Variants in BDNF observed in about 807,000 individuals in gnomAD.
The protein encoded by BDNF is neurotrophic factor BDNF precursor form.
BDNF carries 1 observed loss-of-function variant against 19.5 expected under a neutral mutation model. That is an observed-to-expected ratio of 0.05 (90% CI 0.02 to 0.24). The LOEUF is 0.24. BDNF is among the 10% of genes least tolerant of loss of function. The pLI, the probability that BDNF is intolerant of heterozygous loss-of-function variation, is 1.00. For synonymous variants in BDNF, 100 were observed against 121.6 expected (o/e 0.82, Z 1.17); for missense variants, 195 against 317.6 (o/e 0.61, Z 2.93).
At chr11:27,701,135 A>G, upstream of BDNF, 1 of 1,259,286 alleles carries the variant, frequency 7.9e-7, no homozygotes, top group Non-Finnish European at 1.1e-6. Flanking sequence ...TTCAATCAAG[A>G]TAATAACAGC....
chr11:27,690,807 G>GT (rs922473397), intron 1 of BDNF, among the ~76,000 whole-genome samples: 4 of 151,810 alleles, frequency 2.6e-5, no homozygotes, highest in Non-Finnish European at 5.9e-5. Context: ...CACAATTTAA[G>GT]TTTTTTTAGG....
At chr11:27,661,626 C>CA (rs1853457343) in intron 1 of BDNF, among the ~76,000 whole-genome samples, 1 of 152,194 alleles carries the variant, frequency 6.6e-6, no homozygotes, top group Non-Finnish European at 1.5e-5. Flanking sequence ...TTCTCTTACA[C>CA]AAAAACTGGC....
Position 27,657,461 on chromosome 11 carries a change from G to T in BDNF, c.*360C>A. On this transcript the variant is annotated 3_prime_UTR_variant, in exon 2 of 2. Coordinates refer to ENST00000356660, the MANE Select transcript of BDNF (RefSeq NM_001709.5). This position sits in a 1 kb window ranked among gnomAD's most constrained non-coding sequence, Gnocchi z 5.0. The stretch of plus-strand genomic sequence containing the variant: ...GTTCAAATTTTTGTTGTGTGTGTGT[G>T]TGTTTTTTTTCTGTTTTCTGAAAGA... The T allele has an allele frequency of 1.0e-6, 1 of 994,964 alleles. No individual in the cohort carries two copies. The highest frequency in any genetic ancestry group is 3.4e-5 in the South Asian group (1 of 29,532). 61.6% of individuals were successfully genotyped at this position (994,964 alleles called of 1,614,324 possible). A position where few individuals can be genotyped will look rare whatever the true frequency, so the allele number is the denominator to read the frequency against.
chr11:27,674,108 G>A lies in BDNF; in HGVS notation c.-21-15523C>T, dbSNP rs779134556. ...TCAGTTTGTTAAATTCCACTGAAACGTGGAGGTACACAGCACAGCCCTTCT... is the reference window on the plus strand; with the variant it reads ...TCAGTTTGTTAAATTCCACTGAAACATGGAGGTACACAGCACAGCCCTTCT... On this transcript the variant is annotated intron_variant, in intron 1 of 1. Coordinates refer to ENST00000356660, the MANE Select transcript of BDNF (RefSeq NM_001709.5). 38 of 1,611,736 alleles carry A rather than the reference G, an allele frequency of 2.4e-5. No homozygotes were observed. Among genetic ancestry groups the A allele is most frequent in the Non-Finnish European group, 3.0e-5 (35 of 1,179,042 alleles).
intron 1 of BDNF, among the ~76,000 whole-genome samples, chr11:27,718,403 G>A (rs1159693672): frequency 7.8e-6 from 1 of 128,766 alleles, no homozygotes; most frequent in African/African-American, 2.9e-5. Context: ...CCAGTTCTGC[G>A]TTCAGCCCTG....
At chr11:27,711,727 A>T (rs1417146129) in intron 1 of BDNF, among the ~76,000 whole-genome samples, 1 of 152,250 alleles carries the variant, frequency 6.6e-6, no homozygotes, top group Non-Finnish European at 1.5e-5. Context: ...AGTTACTTTA[A>T]GAGTTAAGTA....
chr11:27,710,460 C>T (rs1448865949), intron 1 of BDNF, among the ~76,000 whole-genome samples: 1 of 152,190 alleles, frequency 6.6e-6, no homozygotes. Context: ...ACAAAGGACC[C>T]AGACACCAAT....
At chr11:27,716,967 A>T (rs1860537469) in intron 1 of BDNF, among the ~76,000 whole-genome samples, 1 of 152,150 alleles carries the variant, frequency 6.6e-6, no homozygotes, top group Non-Finnish European at 1.5e-5. Flanking sequence ...TTGGCTGATT[A>T]TCTATTTTGT....
intron 1 of BDNF, among the ~76,000 whole-genome samples, chr11:27,680,974 C>T (rs1025817278): frequency 1.3e-5 from 2 of 152,178 alleles, no homozygotes; most frequent in African/African-American, 4.8e-5. Context: ...ACAGGCTCTA[C>T]AGTCCAGAAG....
intron 1 of BDNF, among the ~76,000 whole-genome samples, chr11:27,708,278 C>T (rs1590484822): frequency 6.6e-6 from 1 of 152,136 alleles, no homozygotes; most frequent in African/African-American, 2.4e-5. Context: ...AGCATTATAA[C>T]CAGATTGTGG....
intron 1 of BDNF, chr11:27,659,664 C>T (rs1398533646): frequency 1.4e-5 from 14 of 990,294 alleles, no homozygotes; most frequent in African/African-American, 3.6e-5. Flanking sequence ...CGCGCGTGTG[C>T]GCGCGCTCTG....
rs933777424 is a variant in BDNF at position 27,655,676 on chromosome 11, A to G, written c.*2145T>C. On this transcript the variant is annotated 3_prime_UTR_variant, in exon 2 of 2. Coordinates refer to ENST00000356660, the MANE Select transcript of BDNF (RefSeq NM_001709.5). ...CAAATTGAAATTCTTTGCTGATGGTATCTTCATTCCTGGGTTATGGTGAAC... is the reference window on the plus strand; with the variant it reads ...CAAATTGAAATTCTTTGCTGATGGTGTCTTCATTCCTGGGTTATGGTGAAC... The G allele has an allele frequency of 6.6e-6, 1 of 152,238 alleles. No homozygotes were observed. Among genetic ancestry groups the G allele is most frequent in the Non-Finnish European group, 1.5e-5 (1 of 68,046 alleles). The allele number at this position is 152,238 out of a possible 1,614,324, so 9.4% of individuals were successfully genotyped here.
rs918213099 is a variant in BDNF, at chr11:27,711,493, G to A, written c.3+9919C>T. Among the ~76,000 whole-genome samples the A allele has an allele frequency of 1.1e-4, 16 of 152,206 alleles. 1 individual carries two copies. The highest frequency in any genetic ancestry group is 3.9e-4 in the African/African-American group (16 of 41,458). On this transcript the variant is annotated intron_variant, in intron 1 of 1. Coordinates refer to the BDNF transcript ENST00000314915. ...CTCATGGCCATCTCAAAGAGTTGTG[G>A]TCAAGATCTTGTAAGAAAATGTGTA...
intron 1 of BDNF, among the ~76,000 whole-genome samples, chr11:27,662,059 A>G (rs1017046673): frequency 1.4e-4 from 21 of 151,970 alleles, no homozygotes; most frequent in Admixed American, 1.2e-3. Context: ...CTGGAGTGCA[A>G]TGGTGCAATC....
At chr11:27,721,138 T>C (rs1447224686) in intron 1 of BDNF, among the ~76,000 whole-genome samples, 1 of 152,020 alleles carries the variant, frequency 6.6e-6, no homozygotes, top group Non-Finnish European at 1.5e-5. Context: ...AAGAATAGAA[T>C]GCAAGACTGC....
Position 27,667,241 on chromosome 11 carries a change from C to A in BDNF, c.-21-8656G>T, listed in dbSNP as rs555548945. On this transcript the variant is annotated intron_variant, in intron 1 of 1. Transcript: ENST00000356660. ...CTGAGAGATTTTGTCACCACCAGGC[C>A]TGCCTTACAAGAGCTCCTGAAGGAA... Among the ~76,000 whole-genome samples, 4 of 152,246 alleles carry A rather than the reference C, an allele frequency of 2.6e-5. No homozygotes were observed. In the South Asian group the frequency reaches 6.2e-4, roughly 24 times the overall value.
At chr11:27,720,692 C>T (rs1032483962) in intron 1 of BDNF, 22 of 985,782 alleles carry the variant, frequency 2.2e-5, no homozygotes, top group Admixed American at 6.1e-5. Context: ...GTCCAAGGTG[C>T]TGAATGGACT....
chr11:27,702,843 C>A (rs1243057539), upstream of BDNF, among the ~76,000 whole-genome samples: 1 of 152,188 alleles, frequency 6.6e-6, no homozygotes, highest in Non-Finnish European at 1.5e-5. Context: ...GTACCAGGGA[C>A]AAGACTTCAG....
chr11:27,693,493 A>G (rs1858569147), intron 1 of BDNF, among the ~76,000 whole-genome samples: 1 of 152,194 alleles, frequency 6.6e-6, no homozygotes, highest in Non-Finnish European at 1.5e-5. Context: ...TGCTGGCTTT[A>G]TGTTTCATAT....
Sources: gnomAD v4.1 joint callset for allele counts (sites outside exome capture counted in the v4.1 genomes callset) on GRCh38, gnomAD v4.1.1 for gene constraint, Gnocchi (gnomAD v3.1) non-coding constraint, MANE v1.5 for transcripts, NCBI Gene and HGNC (gene_info 2026-07-23, HGNC 2026-07-21) for gene names.